Variants in RGS8 observed in about 807,000 individuals in gnomAD.
The protein encoded by RGS8 is regulator of G protein signaling 8.
In RGS8, 8 loss-of-function variants were observed where a neutral mutation model predicts 21.7. The ratio of observed to expected loss-of-function variants is 0.37; its 90% CI spans 0.22 to 0.66. The LOEUF (loss-of-function observed/expected upper bound fraction) is 0.66. Ranked by LOEUF, RGS8 falls within the 30% of genes least tolerant of loss-of-function variation. RGS8 has a pLI of 0.59. For synonymous variants in RGS8, 80 were observed against 83.6 expected (o/e 0.96, Z 0.24); for missense variants, 157 against 217.9 (o/e 0.72, Z 1.76).
At chr1:182,650,078 A>C (rs1360083759) in intron 5 of RGS8, among the ~76,000 whole-genome samples, 1 of 150,164 alleles carries the variant, frequency 6.7e-6, no homozygotes, top group Non-Finnish European at 1.5e-5. Flanking sequence ...CGCCTCGCTA[A>C]TTTTTGTACT....
chr1:182,741,770 C>T, the RGS8 span, among the ~76,000 whole-genome samples: 6 of 109,902 alleles, frequency 5.5e-5, no homozygotes, highest in African/African-American at 1.5e-4. Context: ...CCCCACCTCC[C>T]TCCCGGACGG....
the RGS8 span, among the ~76,000 whole-genome samples, chr1:182,732,303 C>CACACA: frequency 7.2e-3 from 690 of 95,786 alleles, 7 homozygotes; most frequent in African/African-American, 0.03. Context: ...ACACACACAC[C>CACACA]CACTGTAGCA....
At chr1:182,668,591 G>A (rs576921785) in intron 3 of RGS8, among the ~76,000 whole-genome samples, 69 of 152,300 alleles carry the variant, frequency 4.5e-4, no homozygotes, top group African/African-American at 1.5e-3. Context: ...CATCTCTGAA[G>A]AGCCTCCTAG....
chr1:182,671,604 C>G lies in RGS8; in HGVS notation c.-104+53G>C, dbSNP rs1040961574. The G allele has an allele frequency of 4.1e-6, 6 of 1,475,608 alleles. No homozygotes were observed. In the East Asian group the frequency reaches 1.1e-4, roughly 28 times the overall value. 91.4% of individuals were successfully genotyped at this position (1,475,608 alleles called of 1,614,324 possible). A position where few individuals can be genotyped will look rare whatever the true frequency, so the allele number is the denominator to read the frequency against. The stretch of plus-strand genomic sequence containing the variant: ...GTTAATTAAATATGGATAATGCAAT[C>G]GGTGCACACAGACACCCCGGAGAAG... On this transcript the variant is annotated intron_variant, in intron 2 of 6. Coordinates refer to ENST00000483095, the Ensembl canonical transcript of RGS8.
At position 182,657,841 on chromosome 1, in the gene RGS8, C is replaced by T. The variant is rs569563791; in HGVS notation, c.193+8128G>A. On this transcript the variant is annotated intron_variant, in intron 5 of 6. Transcript: ENST00000483095. Reference sequence around the variant, plus strand: ...AGGTTAGTGACTATTATTCCTTGTACTTCAGTGGCTTAAGGAGTCATCATA... The same window carrying T: ...AGGTTAGTGACTATTATTCCTTGTATTTCAGTGGCTTAAGGAGTCATCATA... Among the ~76,000 whole-genome samples, 7 of 152,312 alleles carry T rather than the reference C, an allele frequency of 4.6e-5. No individual in the cohort carries two copies. The South Asian group carries it at 1.0e-3, about 23-fold the overall frequency.
chr1:182,686,787 G>A (rs1013263167), upstream of RGS8, among the ~76,000 whole-genome samples: 9 of 152,128 alleles, frequency 5.9e-5, no homozygotes, highest in Non-Finnish European at 1.2e-4. Flanking sequence ...GGAGTAAATG[G>A]AATCACCCAA....
At chr1:182,741,312 T>C in the RGS8 span, among the ~76,000 whole-genome samples, 1 of 2,978 alleles carries the variant, frequency 3.4e-4, no homozygotes, top group African/African-American at 1.3e-3. Flanking sequence ...GGTGGGGGGC[T>C]GACCCCCCAC....
chr1:182,666,795 G>C (rs149046567), intron 4 of RGS8, 77 bp downstream of exon 5: 1 of 1,068,954 alleles, frequency 9.4e-7, no homozygotes, highest in South Asian at 1.3e-5. Flanking sequence ...GGCTCATCTG[G>C]TCAGCATCTC....
intron 3 of RGS8, 134 bp from the exon 5 acceptor site, chr1:182,667,107 T>C (rs1663907165): frequency 1.4e-6 from 1 of 697,604 alleles, no homozygotes; most frequent in Non-Finnish European, 2.6e-6. Context: ...CTCTGAAGAC[T>C]TCATGAACAG....
At chr1:182,698,371 G>A in the RGS8 span, among the ~76,000 whole-genome samples, 1 of 152,176 alleles carries the variant, frequency 6.6e-6, no homozygotes, top group South Asian at 2.1e-4. Flanking sequence ...TTAAAGTGCT[G>A]TGACTTTAGG....
At chr1:182,683,033 G>A (rs1466938667) in intron 1 of RGS8, among the ~76,000 whole-genome samples, 1 of 152,114 alleles carries the variant, frequency 6.6e-6, no homozygotes, top group African/African-American at 2.4e-5. Context: ...ACACTATGTG[G>A]AAAAAATCTT....
At chr1:182,655,033 G>C (rs1449815257) in intron 5 of RGS8, among the ~76,000 whole-genome samples, 2 of 152,182 alleles carry the variant, frequency 1.3e-5, no homozygotes, top group African/African-American at 4.8e-5. Flanking sequence ...GCACCTAGTG[G>C]TTTATGAATC....
chr1:182,667,443 A>G (rs1456589865), intron 3 of RGS8, among the ~76,000 whole-genome samples: 3 of 152,242 alleles, frequency 2.0e-5, no homozygotes, highest in African/African-American at 7.2e-5. Context: ...AGTCTTAAGC[A>G]CAAAGCAGGG....
At chr1:182,711,647 A>T in the RGS8 span, among the ~76,000 whole-genome samples, 2 of 152,194 alleles carry the variant, frequency 1.3e-5, no homozygotes, top group African/African-American at 4.8e-5. Flanking sequence ...CTGTGGAACA[A>T]TTCAGCCAAG....
At chr1:182,685,726 C>T (rs940534674), upstream of RGS8, among the ~76,000 whole-genome samples, 3 of 151,932 alleles carry the variant, frequency 2.0e-5, no homozygotes, top group Admixed American at 1.3e-4. Flanking sequence ...TCCTGAGGTC[C>T]TGACAAGCAC....
chr1:182,689,534 A>G (rs1253709702), upstream of RGS8, among the ~76,000 whole-genome samples: 2 of 152,210 alleles, frequency 1.3e-5, no homozygotes, highest in African/African-American at 4.8e-5. Flanking sequence ...CCCTGGCAAG[A>G]GAAGAGAGCC....
At chr1:182,679,161 T>A (rs1664462044) in intron 1 of RGS8, among the ~76,000 whole-genome samples, 5 of 152,156 alleles carry the variant, frequency 3.3e-5, no homozygotes. Flanking sequence ...TTTAAAAAAA[T>A]TCCCCTTGGG....
chr1:182,724,221 T>G, the RGS8 span, among the ~76,000 whole-genome samples: 3 of 104,210 alleles, frequency 2.9e-5, no homozygotes, highest in South Asian at 7.1e-4. Flanking sequence ...TATATATATA[T>G]ATATATATAT....
the RGS8 span, among the ~76,000 whole-genome samples, chr1:182,731,124 T>C: frequency 2.0e-5 from 3 of 152,234 alleles, no homozygotes; most frequent in East Asian, 3.8e-4. Flanking sequence ...ATAGCCGTTT[T>C]ATTCCCAAGC....
Sources: gnomAD v4.1 joint callset for allele counts (sites outside exome capture counted in the v4.1 genomes callset) on GRCh38, gnomAD v4.1.1 for gene constraint, MANE v1.5 for transcripts, NCBI Gene and HGNC (gene_info 2026-07-23, HGNC 2026-07-21) for gene names.